Variants in C3orf52 observed in about 807,000 individuals in gnomAD.
C3orf52 encodes chromosome 3 open reading frame 52.
In C3orf52, 22 loss-of-function variants were observed where a neutral mutation model predicts 24.8. The observed-to-expected ratio is 0.89, with a 90% CI of 0.63 to 1.27. The LOEUF (loss-of-function observed/expected upper bound fraction) is 1.27. C3orf52 is among the 50% of genes most tolerant of loss of function. The probability of loss-of-function intolerance (pLI) is 0.00; values close to 1 mark genes in which losing one functional copy is unlikely to be tolerated. For missense variants in C3orf52, 265 were observed against 260.7 expected, an observed-to-expected ratio of 1.02 and a Z score of -0.11; for synonymous variants, 93 against 100.2, an observed-to-expected ratio of 0.93 and a Z score of 0.43.
Position 112,116,856 on chromosome 3 carries a change from GT to G in C3orf52, c.*211del, listed in dbSNP as rs2074138531. On this transcript the variant is annotated 3_prime_UTR_variant, in exon 6 of 6. Transcript: ENST00000264848. ...CCGAGCACTGCTTCAGCTGGGTCCA[GT>G]CTTGACAAAGGCAGGAAGCCAGCTA... is the stretch of plus-strand genomic sequence containing the variant. 1 of 1,537,478 alleles carries G rather than the reference GT, an allele frequency of 6.5e-7. No homozygotes were observed. The highest frequency in any genetic ancestry group is 8.7e-7 in the Non-Finnish European group (1 of 1,146,910).
chr3:112,101,214 A>G lies in C3orf52; in HGVS notation c.269-1624A>G, dbSNP rs141904844. Among the ~76,000 whole-genome samples, 783 of 152,320 alleles carry G rather than the reference A, an allele frequency of 5.1e-3. 4 individuals are homozygous for G. Among genetic ancestry groups the G allele is most frequent in the African/African-American group, 0.018 (754 of 41,572 alleles). ...TCAGCATGCAGTCCTACTGATCACT[A>G]TGATCTATTACAGCAAAAGGATACA... is the stretch of plus-strand genomic sequence containing the variant. On this transcript the variant is annotated intron_variant, in intron 2 of 5. Coordinates refer to ENST00000264848, the MANE Select transcript of C3orf52 (RefSeq NM_024616.3).
chr3:112,107,185 CTG>C (rs2074033097), intron 3 of C3orf52, among the ~76,000 whole-genome samples: 1 of 152,044 alleles, frequency 6.6e-6, no homozygotes, highest in South Asian at 2.1e-4. Flanking sequence ...GTGCAAAACA[CTG>C]TGCTGGGCCC....
chr3:112,124,502 G>A (rs2107800821), intron 4 of C3orf52, among the ~76,000 whole-genome samples: 1 of 152,260 alleles, frequency 6.6e-6, no homozygotes, highest in East Asian at 1.9e-4. Flanking sequence ...CCAGCTACTG[G>A]GGAGGCTGAG....
rs530337380 is a variant in C3orf52, at chr3:112,128,166, C to T, written c.*47-67C>T. On this transcript the variant is annotated intron_variant, in intron 4 of 4. Transcript: ENST00000480282. ...TTCTGTGGAAAACTTTTTTTCTCCC[C>T]GCAAGCGTGTTTCATTCTAGATAAC... The T allele has an allele frequency of 5.5e-4, 514 of 939,820 alleles. 5 individuals are homozygous for T. Among genetic ancestry groups the T allele is most frequent in the South Asian group, 5.1e-3 (377 of 73,484 alleles). 58.2% of individuals were successfully genotyped at this position (939,820 alleles called of 1,614,324 possible).
chr3:112,091,673 T>A, intron 1 of C3orf52, among the ~76,000 whole-genome samples: 1 of 152,118 alleles, frequency 6.6e-6, no homozygotes, highest in East Asian at 1.9e-4. Context: ...AAGTGTGGAC[T>A]GACCGATTCG....
At chr3:112,096,579 GA>G in intron 2 of C3orf52, among the ~76,000 whole-genome samples, 1 of 152,202 alleles carries the variant, frequency 6.6e-6, no homozygotes, top group Non-Finnish European at 1.5e-5. Context: ...TTAATACAGT[GA>G]AATAATAACT....
intron 4 of C3orf52, among the ~76,000 whole-genome samples, chr3:112,125,718 G>A (rs1196433292): frequency 6.6e-6 from 1 of 152,218 alleles, no homozygotes; most frequent in South Asian, 2.1e-4. Context: ...TGGAGCAGAG[G>A]GCCGTCGTTT....
chr3:112,104,236 T>C (rs2074004220), intron 3 of C3orf52, among the ~76,000 whole-genome samples: 1 of 152,098 alleles, frequency 6.6e-6, no homozygotes, highest in South Asian at 2.1e-4. Flanking sequence ...GAACCCTCTG[T>C]GGAAGATGGA....
intron 1 of C3orf52, among the ~76,000 whole-genome samples, chr3:112,091,761 T>A (rs2073879018): frequency 1.3e-5 from 2 of 151,980 alleles, no homozygotes; most frequent in African/African-American, 4.8e-5. Flanking sequence ...TCCCAGCACT[T>A]TGGGAGGTTG....
intron 5 of C3orf52, among the ~76,000 whole-genome samples, chr3:112,114,859 TG>T (rs1374350407): frequency 1.3e-5 from 2 of 152,086 alleles, no homozygotes; most frequent in Non-Finnish European, 2.9e-5. Context: ...GCCAGGGAGA[TG>T]GGCAGAGGTC....
chr3:112,104,507 C>T (rs888577470), intron 3 of C3orf52, among the ~76,000 whole-genome samples: 2 of 152,140 alleles, frequency 1.3e-5, no homozygotes, highest in Non-Finnish European at 2.9e-5. Flanking sequence ...TCTGGGTACC[C>T]ACGCATGAGA....
intron 5 of C3orf52, among the ~76,000 whole-genome samples, 198 bp downstream of exon 5, chr3:112,113,343 G>A (rs954050645): frequency 6.6e-6 from 1 of 152,170 alleles, no homozygotes; most frequent in Non-Finnish European, 1.5e-5. Flanking sequence ...CACAGTCCGT[G>A]CCCTCCATAA....
chr3:112,136,070 C>T, the C3orf52 span, among the ~76,000 whole-genome samples: 1 of 152,136 alleles, frequency 6.6e-6, no homozygotes, highest in African/African-American at 2.4e-5. Context: ...CTTCAGTTGA[C>T]ACCTGACTCC....
At chr3:112,111,891 G>T (rs1187855091) in intron 4 of C3orf52, 1 of 152,212 alleles carries the variant, frequency 6.6e-6, no homozygotes, top group Non-Finnish European at 1.5e-5. Context: ...TTGATCTGCA[G>T]GATCTGGCAC....
chr3:112,120,502 C>T (rs1171900745), downstream of C3orf52, among the ~76,000 whole-genome samples: 2 of 152,142 alleles, frequency 1.3e-5, no homozygotes, highest in African/African-American at 4.8e-5. Flanking sequence ...TTTATAGATG[C>T]TAGTATGTAC....
exon 5 of C3orf52, chr3:112,128,609 G>A (rs929937202): frequency 5.3e-6 from 1 of 190,416 alleles, no homozygotes; most frequent in East Asian, 1.3e-4. Context: ...CTGGCACACA[G>A]TAAATGGGTT....
chr3:112,123,416 A>G (rs952315042), intron 4 of C3orf52: 2 of 1,588,608 alleles, frequency 1.3e-6, no homozygotes, highest in South Asian at 1.2e-5. Flanking sequence ...CCCACCTTTT[A>G]TTTGTTGGTG....
intron 3 of C3orf52, among the ~76,000 whole-genome samples, chr3:112,103,194 ACACTGGGG>A (rs1305951366): frequency 6.6e-6 from 1 of 152,160 alleles, no homozygotes; most frequent in Non-Finnish European, 1.5e-5. Context: ...AGAGGAACAG[ACACTGGGG>A]CCTACTTAAG....
chr3:112,094,464 A>G (rs2073909342), intron 2 of C3orf52, among the ~76,000 whole-genome samples: 1 of 152,178 alleles, frequency 6.6e-6, no homozygotes, highest in Non-Finnish European at 1.5e-5. Context: ...TTACCCATAA[A>G]ACCCATCTGT....
Sources: gnomAD v4.1 joint callset for allele counts (sites outside exome capture counted in the v4.1 genomes callset) on GRCh38, gnomAD v4.1.1 for gene constraint, MANE v1.5 for transcripts, NCBI Gene and HGNC (gene_info 2026-07-23, HGNC 2026-07-21) for gene names.